Variants in LINGO2 observed in about 807,000 individuals in gnomAD.
LINGO2 encodes leucine-rich repeat and immunoglobulin-like domain-containing nogo receptor-interacting protein 2.
LINGO2 carries 14 observed loss-of-function variants against 30.6 expected under a neutral mutation model. The ratio of observed to expected loss-of-function variants is 0.46; its 90% CI spans 0.30 to 0.72. LINGO2 has a LOEUF of 0.72. Ranked by LOEUF, LINGO2 falls within the 30% of genes least tolerant of loss-of-function variation. The pLI is 0.07. For synonymous variants in LINGO2, 317 were observed against 288.5 expected, an observed-to-expected ratio of 1.10 and a Z score of -1.00; for missense variants, 729 against 751.7, an observed-to-expected ratio of 0.97 and a Z score of 0.35.
the LINGO2 span, among the ~76,000 whole-genome samples, chr9:28,959,898 T>G: frequency 6.6e-6 from 1 of 152,138 alleles, no homozygotes; most frequent in African/African-American, 2.4e-5. Flanking sequence ...AATAACCATG[T>G]GGGTAAATAT....
upstream of LINGO2, among the ~76,000 whole-genome samples, chr9:28,670,529 T>C (rs553622790): frequency 3.9e-5 from 6 of 152,214 alleles, no homozygotes; most frequent in South Asian, 1.0e-3. Context: ...AACCACACAA[T>C]AGCATGTTAT....
At chr9:28,986,471 A>T in the LINGO2 span, among the ~76,000 whole-genome samples, 2 of 152,036 alleles carry the variant, frequency 1.3e-5, no homozygotes, top group Non-Finnish European at 2.9e-5. Flanking sequence ...GGTAGTATGG[A>T]CATTTTAAAA....
At chr9:28,050,014 G>A (rs1459126363) in intron 4 of LINGO2, among the ~76,000 whole-genome samples, 2 of 150,806 alleles carry the variant, frequency 1.3e-5, no homozygotes, top group Admixed American at 6.7e-5. Flanking sequence ...AGACAGTGAA[G>A]GCTGAAGCAG....
At chr9:28,489,894 C>G (rs1826323423) in intron 1 of LINGO2, among the ~76,000 whole-genome samples, 1 of 69,354 alleles carries the variant, frequency 1.4e-5, no homozygotes, top group East Asian at 5.2e-4. Context: ...AAGACTTTGT[C>G]TCAAAAAAAA....
the LINGO2 span, among the ~76,000 whole-genome samples, chr9:29,196,840 A>G: frequency 2.0e-5 from 3 of 152,068 alleles, no homozygotes; most frequent in African/African-American, 7.2e-5. Context: ...GATGTCAGAA[A>G]TAACGGAAAA....
intron 4 of LINGO2, among the ~76,000 whole-genome samples, chr9:28,016,498 T>C (rs936065076): frequency 6.6e-6 from 1 of 151,768 alleles, no homozygotes; most frequent in African/African-American, 2.4e-5. Flanking sequence ...GTTCTTATAG[T>C]AAAAGACAAA....
intron 1 of LINGO2, among the ~76,000 whole-genome samples, chr9:28,489,526 G>A (rs1157567487): frequency 6.6e-6 from 1 of 152,036 alleles, no homozygotes; most frequent in African/African-American, 2.4e-5. Flanking sequence ...GGATAGGCCT[G>A]AACTTTTGTT....
chr9:28,263,628 T>C lies in LINGO2; in HGVS notation c.-87+31580A>G, dbSNP rs534123179. 9.2e-5 allele frequency among the ~76,000 whole-genome samples: 14 copies of C among 152,128 alleles called. 1 individual carries two copies. The East Asian group carries it at 2.1e-3, about 23-fold the overall frequency. ...TCTCTCAAAAGTATTTACAGAACAT[T>C]TTCTCATGTGCCACCCCGCATGGAG... is the stretch of plus-strand genomic sequence containing the variant. On this transcript the variant is annotated intron_variant, in intron 4 of 5. Coordinates refer to ENST00000379992, the Ensembl canonical transcript of LINGO2.
At chr9:28,689,828 C>T in the LINGO2 span, among the ~76,000 whole-genome samples, 1 of 152,090 alleles carries the variant, frequency 6.6e-6, no homozygotes, top group African/African-American at 2.4e-5. Context: ...CCTAAATGAC[C>T]ATCAATGATA....
intron 1 of LINGO2, among the ~76,000 whole-genome samples, chr9:28,667,255 A>C (rs1472604932): frequency 2.6e-5 from 4 of 152,154 alleles, no homozygotes; most frequent in Admixed American, 2.0e-4. Context: ...AACCCATGTA[A>C]TATTATTTTT....
At chr9:28,162,448 C>G (rs993137870) in intron 4 of LINGO2, among the ~76,000 whole-genome samples, 2 of 152,064 alleles carry the variant, frequency 1.3e-5, no homozygotes, top group Non-Finnish European at 2.9e-5. Flanking sequence ...TGCACTAGAT[C>G]AGTCAACTAG....
At chr9:28,809,419 A>T in the LINGO2 span, among the ~76,000 whole-genome samples, 1 of 152,214 alleles carries the variant, frequency 6.6e-6, no homozygotes, top group South Asian at 2.1e-4. Context: ...TCTCAAATCT[A>T]TTCTCCCTAG....
the LINGO2 span, among the ~76,000 whole-genome samples, chr9:29,114,697 T>G: frequency 1.3e-5 from 2 of 151,848 alleles, no homozygotes; most frequent in African/African-American, 4.8e-5. Context: ...AATGATGGTT[T>G]CCAGCTTCAT....
chr9:28,904,811 A>T, the LINGO2 span, among the ~76,000 whole-genome samples: 1 of 152,002 alleles, frequency 6.6e-6, no homozygotes, highest in Non-Finnish European at 1.5e-5. Context: ...CTATTCAATG[A>T]CATTTTTCAC....
chr9:29,189,139 G>A, the LINGO2 span, among the ~76,000 whole-genome samples: 3 of 139,374 alleles, frequency 2.2e-5, no homozygotes, highest in South Asian at 2.3e-4. Context: ...CTGGCCGGGC[G>A]GGGGGCTGAC....
intron 4 of LINGO2, among the ~76,000 whole-genome samples, chr9:28,163,180 A>G (rs764082950): frequency 3.9e-5 from 6 of 152,148 alleles, no homozygotes; most frequent in Non-Finnish European, 8.8e-5. Flanking sequence ...GCAGAAAACA[A>G]TTGTATAAGT....
chr9:29,178,434 A>G, the LINGO2 span, among the ~76,000 whole-genome samples: 1 of 152,144 alleles, frequency 6.6e-6, no homozygotes, highest in African/African-American at 2.4e-5. Flanking sequence ...TGCTCATTCA[A>G]TCAATTAACA....
At chr9:28,861,333 ATAT>A in the LINGO2 span, among the ~76,000 whole-genome samples, 5 of 131,460 alleles carry the variant, frequency 3.8e-5, no homozygotes, top group Admixed American at 9.3e-5. Context: ...TATATAATAT[ATAT>A]TATTAATATA....
At chr9:28,443,180 C>T (rs146379610) in intron 2 of LINGO2, among the ~76,000 whole-genome samples, 3 of 152,258 alleles carry the variant, frequency 2.0e-5, no homozygotes, top group East Asian at 1.9e-4. Context: ...TGCCTATTGC[C>T]GTGCTTGTTA....
Sources: allele counts gnomAD v4.1 joint callset (sites outside exome capture counted in the v4.1 genomes callset), GRCh38; gene constraint gnomAD v4.1.1; transcripts MANE v1.5; gene names NCBI Gene and HGNC (gene_info 2026-07-23, HGNC 2026-07-21).